The following PPP1R13B variants were observed in gnomAD, a reference collection of about 807,000 sequenced individuals.
PPP1R13B encodes the protein protein phosphatase 1 regulatory subunit 13B, also known as apoptosis-stimulating of p53 protein 1.
A neutral mutation model predicts 119.8 loss-of-function variants in PPP1R13B; 44 were observed. The observed-to-expected ratio is 0.37, with a 90% CI of 0.29 to 0.47. The LOEUF is 0.47. Ranked by LOEUF, PPP1R13B falls within the 20% of genes least tolerant of loss-of-function variation. The pLI is 0.99. For missense variants in PPP1R13B, 1,227 were observed against 1,413.5 expected (o/e 0.87, Z 2.12); for synonymous variants, 542 against 561.5 (o/e 0.97, Z 0.49).
intron 9 of PPP1R13B, among the ~76,000 whole-genome samples, chr14:103,745,722 T>A (rs2084369645): frequency 6.6e-6 from 1 of 152,260 alleles, no homozygotes; most frequent in Non-Finnish European, 1.5e-5. Flanking sequence ...CGAGTTGTGG[T>A]GAGGCATCCA....
intron 2 of PPP1R13B, among the ~76,000 whole-genome samples, chr14:103,795,814 C>T (rs1289485599): frequency 6.6e-6 from 1 of 152,106 alleles, no homozygotes; most frequent in Non-Finnish European, 1.5e-5. Context: ...TAGTAATAGT[C>T]CAATGTTTAT....
chr14:103,772,677 T>G (rs1427168374), intron 4 of PPP1R13B, among the ~76,000 whole-genome samples: 2 of 107,272 alleles, frequency 1.9e-5, no homozygotes, highest in East Asian at 5.6e-4. Flanking sequence ...TTCTTTTTCT[T>G]TTTTTTTTTT....
chr14:103,747,951 T>C (rs980843124), intron 8 of PPP1R13B, among the ~76,000 whole-genome samples: 20 of 152,276 alleles, frequency 1.3e-4, no homozygotes, highest in African/African-American at 4.8e-4. Context: ...TGCCTAGAGT[T>C]GGCCTTCGGA....
intron 5 of PPP1R13B, 70 bp from the exon 6 acceptor site, chr14:103,754,314 C>T: frequency 6.8e-7 from 1 of 1,477,732 alleles, no homozygotes; most frequent in Non-Finnish European, 9.1e-7. Context: ...TCTGTAATTC[C>T]AGCACTTTGA....
At chr14:103,736,315 CCA>C in intron 15 of PPP1R13B, 113 bp from the exon 16 acceptor site, 2 of 1,117,108 alleles carry the variant, frequency 1.8e-6, no homozygotes, top group Non-Finnish European at 2.6e-6. Flanking sequence ...TCAGCAGGCC[CCA>C]CAGAGGCCAG....
At chr14:103,839,011 C>G (rs1444114136) in intron 1 of PPP1R13B, among the ~76,000 whole-genome samples, 1 of 151,842 alleles carries the variant, frequency 6.6e-6, no homozygotes, top group Non-Finnish European at 1.5e-5. Context: ...TTCTTTTTTT[C>G]TTTGAGACAG....
Position 103,741,998 on chromosome 14 carries a change from A to G in PPP1R13B, c.1614T>C (p.Phe538=). The G allele has an allele frequency of 6.2e-7, 1 of 1,614,264 alleles. No homozygotes were observed. The highest frequency in any genetic ancestry group is 1.3e-5 in the African/African-American group (1 of 75,078). ...GTTCAGGCTTGCTGTCCCCAGCTGG[A>G]AATGCAGGTGGTCCCGCTGGCGGGT... The part of the protein sequence containing the change: ...PTYPPAGPPA[F]PAGDSKPELP... Residue 538 remains phenylalanine, a synonymous_variant, in exon 11 of 17, where the codon TTT becomes TTC. Coordinates refer to ENST00000202556, the MANE Select transcript of PPP1R13B (RefSeq NM_015316.3).
chr14:103,836,476 T>C (rs917288509), intron 1 of PPP1R13B, among the ~76,000 whole-genome samples: 1 of 151,892 alleles, frequency 6.6e-6, no homozygotes, highest in African/African-American at 2.4e-5. Context: ...GGTTAAACAA[T>C]TTGTCCAAAG....
intron 1 of PPP1R13B, among the ~76,000 whole-genome samples, chr14:103,806,323 C>T (rs1488332806): frequency 6.6e-6 from 1 of 152,164 alleles, no homozygotes; most frequent in Non-Finnish European, 1.5e-5. Context: ...CCCAGCTCAC[C>T]TATACCATCT....
intron 1 of PPP1R13B, among the ~76,000 whole-genome samples, chr14:103,844,502 G>T (rs566815067): frequency 4.5e-4 from 69 of 152,180 alleles, no homozygotes; most frequent in African/African-American, 1.6e-3. Context: ...GGCCAAGGTG[G>T]GCAGATCACC....
chr14:103,740,316 G>A lies in PPP1R13B; in HGVS notation c.2100C>T (p.Asn700=), dbSNP rs982097184. 1.3e-5 allele frequency: 20 copies of A among 1,574,874 alleles called. No homozygotes were observed. Among genetic ancestry groups the A allele is most frequent in the Admixed American group, 9.0e-5 (5 of 55,302 alleles). Reference sequence around the variant, plus strand: ...TGCGCTTTTTCAGGGGCCGGGGCGCGTTGGCCAGCTTCCTGCGGAGGGCCT... The same window carrying A: ...TGCGCTTTTTCAGGGGCCGGGGCGCATTGGCCAGCTTCCTGCGGAGGGCCT... ...DLEALRRKLA[N]APRPLKKRSS... is the part of the protein sequence containing the mutation. Residue 700 remains asparagine, a synonymous_variant, in exon 12 of 17, where the codon AAC becomes AAT. Coordinates refer to ENST00000202556, the MANE Select transcript of PPP1R13B (RefSeq NM_015316.3). This position sits in a 1 kb window ranked among gnomAD's most constrained non-coding sequence, Gnocchi z 4.6.
chr14:103,840,228 C>T (rs1188400709), intron 1 of PPP1R13B: 1 of 152,202 alleles, frequency 6.6e-6, no homozygotes, highest in Admixed American at 6.5e-5. Flanking sequence ...ATGACAACAG[C>T]ATTTCAAGGC....
At chr14:103,831,100 C>A (rs371943892) in intron 1 of PPP1R13B, among the ~76,000 whole-genome samples, 18 of 151,830 alleles carry the variant, frequency 1.2e-4, no homozygotes, top group African/African-American at 3.9e-4. Context: ...TGTGCCACCA[C>A]GCCCAGCTGA....
chr14:103,754,147 G>T lies in PPP1R13B; in HGVS notation c.554C>A (p.Ala185Asp), dbSNP rs2084618267. 1 of 1,613,918 alleles carries T rather than the reference G, an allele frequency of 6.2e-7. No homozygotes were observed. The highest frequency in any genetic ancestry group is 8.5e-7 in the Non-Finnish European group (1 of 1,179,968). ...AATTTTCTTCAGCTTGTTCTCCTGGGCTTCAACTCGTTCTTTCAATTTCTG... is the reference window on the plus strand; with the variant it reads ...AATTTTCTTCAGCTTGTTCTCCTGGTCTTCAACTCGTTCTTTCAATTTCTG... ...KLQKLKERVE[A>D]QENKLKKIRA... Residue 185 changes from alanine (A) to aspartate (D), a missense_variant, in exon 6 of 17, where the codon GCC (alanine) becomes GAC (aspartate). Coordinates refer to ENST00000202556, the MANE Select transcript of PPP1R13B (RefSeq NM_015316.3).
intron 11 of PPP1R13B, among the ~76,000 whole-genome samples, chr14:103,741,524 C>T (rs1241432619): frequency 6.6e-6 from 1 of 152,184 alleles, no homozygotes; most frequent in Admixed American, 6.5e-5. Context: ...TCACCCTTCC[C>T]GGAGCTGGAT....
chr14:103,833,270 C>CT (rs2086699598), intron 1 of PPP1R13B, among the ~76,000 whole-genome samples: 1 of 152,212 alleles, frequency 6.6e-6, no homozygotes, highest in South Asian at 2.1e-4. Flanking sequence ...TCCCCTTCCT[C>CT]TTACCTCCTT....
At chr14:103,778,087 G>A (rs1040981994) in intron 4 of PPP1R13B, among the ~76,000 whole-genome samples, 1 of 151,380 alleles carries the variant, frequency 6.6e-6, no homozygotes, top group Admixed American at 6.6e-5. Context: ...GAGTAGCTGG[G>A]ATTACAGGCG....
chr14:103,764,539 G>A (rs1186153495), intron 4 of PPP1R13B: 1 of 295,886 alleles, frequency 3.4e-6, no homozygotes, highest in East Asian at 1.1e-4. Context: ...CATCCACAAT[G>A]TTAATTATTG....
chr14:103,784,782 A>G lies in PPP1R13B; in HGVS notation c.277+13T>C. ...GCAAAAATTAACAAATGAGGAAGAA[A>G]GCAGTTATCTACCTTGTTCACTGTT... On this transcript the variant is annotated intron_variant, in intron 3 of 16. Transcript: ENST00000202556. 6.4e-7 allele frequency: 1 copy of G among 1,555,336 alleles called. No homozygotes were observed. The highest frequency in any genetic ancestry group is 1.2e-5 in the South Asian group (1 of 83,638).
Sources: allele counts gnomAD v4.1 joint callset (sites outside exome capture counted in the v4.1 genomes callset), GRCh38; gene constraint gnomAD v4.1.1; non-coding constraint Gnocchi (gnomAD v3.1); transcripts MANE v1.5; gene names NCBI Gene and HGNC (gene_info 2026-07-23, HGNC 2026-07-21).